The following HTT variants were observed in gnomAD, a reference collection of about 807,000 sequenced individuals.
HTT encodes huntingtin.
Under a neutral mutation model 362.3 loss-of-function variants are expected in HTT, and 104 were observed. The ratio of observed to expected loss-of-function variants is 0.29; its 90% CI spans 0.24 to 0.34. The LOEUF (loss-of-function observed/expected upper bound fraction) is 0.34, where lower values mean the gene tolerates loss of function less well. HTT is among the 10% of genes least tolerant of loss of function. The probability of loss-of-function intolerance (pLI) is 1.00; values close to 1 mark genes in which losing one functional copy is unlikely to be tolerated. For synonymous variants in HTT, 1,577 were observed against 1,548.7 expected (o/e 1.02, Z -0.43); for missense variants, 3,301 against 3,928.6 (o/e 0.84, Z 4.27).
At chr4:3,075,691 T>C (rs1397503296) in intron 1 of HTT, among the ~76,000 whole-genome samples, 1 of 151,372 alleles carries the variant, frequency 6.6e-6, no homozygotes, top group Non-Finnish European at 1.5e-5. Context: ...GGGAGATTTC[T>C]TTTCCTAGTG....
At chr4:3,224,707 G>C (rs362274) in intron 56 of HTT, among the ~76,000 whole-genome samples, 2 of 152,080 alleles carry the variant, frequency 1.3e-5, no homozygotes, top group Admixed American at 1.3e-4. Flanking sequence ...GTATTTTAGC[G>C]TAGAGCTCTG....
chr4:3,207,935 G>A (rs1377283761), intron 45 of HTT, among the ~76,000 whole-genome samples: 3 of 152,092 alleles, frequency 2.0e-5, no homozygotes, highest in Non-Finnish European at 2.9e-5. Flanking sequence ...CTTGCGGGGC[G>A]GGGTGGGGGG....
intron 6 of HTT, among the ~76,000 whole-genome samples, chr4:3,112,699 G>A (rs1391405481): frequency 6.6e-6 from 1 of 152,172 alleles, no homozygotes; most frequent in Admixed American, 6.5e-5. Flanking sequence ...TGCGAGCAGT[G>A]CTACTGTGAC....
intron 49 of HTT, chr4:3,213,101 G>A (rs1256488394): frequency 3.0e-5 from 6 of 200,674 alleles, no homozygotes; most frequent in Middle Eastern, 1.8e-3. Flanking sequence ...ACACGTTCTG[G>A]ATGCATTAAA....
At chr4:3,151,640 C>T (rs973148374) in intron 26 of HTT, among the ~76,000 whole-genome samples, 3 of 152,170 alleles carry the variant, frequency 2.0e-5, no homozygotes, top group Admixed American at 1.3e-4. Flanking sequence ...AGGTTGCATG[C>T]TCCTTATGAG....
chr4:3,150,594 A>T lies in HTT; in HGVS notation c.3498+2387A>T, dbSNP rs142152980. ...CTTTGTGTCTTATCAAGCTAGAAACAGGTCACCACAAGTCTTCATTTCCAC... is the reference window on the plus strand; with the variant it reads ...CTTTGTGTCTTATCAAGCTAGAAACTGGTCACCACAAGTCTTCATTTCCAC... On this transcript the variant is annotated intron_variant, in intron 26 of 66. Coordinates refer to ENST00000355072, the MANE Select transcript of HTT (RefSeq NM_001388492.1). Among the ~76,000 whole-genome samples the T allele has an allele frequency of 1.2e-3, 189 of 152,292 alleles. 1 individual carries two copies. The highest frequency in any genetic ancestry group is 4.5e-3 in the African/African-American group (185 of 41,552).
At chr4:3,220,587 A>G (rs1439786375) in intron 53 of HTT, among the ~76,000 whole-genome samples, 1 of 152,172 alleles carries the variant, frequency 6.6e-6, no homozygotes, top group African/African-American at 2.4e-5. Context: ...ACAACGTGAG[A>G]CCAAATTCTG....
chr4:3,153,793 G>A (rs943607904), intron 26 of HTT, among the ~76,000 whole-genome samples: 4 of 152,192 alleles, frequency 2.6e-5, no homozygotes, highest in African/African-American at 4.8e-5. Context: ...GTGATGTGGC[G>A]TGTGCCTGTG....
chr4:3,199,714 CCTTAA>C lies in HTT; in HGVS notation c.5369-14_5369-10del. On this transcript the variant is annotated splice_polypyrimidine_tract_variant and intron_variant, in intron 40 of 66. Transcript: ENST00000355072. ...CCGAGATGAAAGCAAAGACATTTCT[CCTTAA>C]CTTTGTTTCTAGGAATGTTCCGGAG... is the stretch of plus-strand genomic sequence containing the variant. 6.2e-7 allele frequency: 1 copy of C among 1,610,716 alleles called. No homozygotes were observed. Among genetic ancestry groups the C allele is most frequent in the South Asian group, 1.1e-5 (1 of 91,044 alleles).
In HTT at chr4:3,228,609, T is replaced by C. The variant is rs764765557; in HGVS notation, c.7849-6T>C. On this transcript the variant is annotated splice_polypyrimidine_tract_variant and splice_region_variant and intron_variant, in intron 57 of 66. Coordinates refer to ENST00000355072, the MANE Select transcript of HTT (RefSeq NM_001388492.1). The surrounding 1 kb of genome is among the most constrained non-coding windows in gnomAD (Gnocchi z 4.3). Reference sequence around the variant, plus strand: ...AGCACTGAGCAGTGCCCCGTTTCTGTGGCAGGTGTCCATACACTCCGTGTG... The same window carrying C: ...AGCACTGAGCAGTGCCCCGTTTCTGCGGCAGGTGTCCATACACTCCGTGTG... 4 of 1,552,110 alleles carry C rather than the reference T, an allele frequency of 2.6e-6. No individual in the cohort carries two copies. The highest frequency in any genetic ancestry group is 2.4e-5 in the South Asian group (2 of 82,098).
intron 50 of HTT, 70 bp from the exon 51 acceptor site, chr4:3,215,040 T>G (rs2110279232): frequency 7.8e-7 from 1 of 1,282,900 alleles, no homozygotes; most frequent in East Asian, 2.3e-5. Flanking sequence ...TGCACAAATG[T>G]AAAATGTTGA....
chr4:3,229,678 A>G (rs1036034433), intron 59 of HTT, among the ~76,000 whole-genome samples: 2 of 151,742 alleles, frequency 1.3e-5, no homozygotes, highest in African/African-American at 4.8e-5. Flanking sequence ...TGTACACACC[A>G]TACACACACC....
At chr4:3,078,369 A>T (rs1457716023) in intron 1 of HTT, among the ~76,000 whole-genome samples, 1 of 152,254 alleles carries the variant, frequency 6.6e-6, no homozygotes, top group Non-Finnish European at 1.5e-5. Context: ...CAAGATAGAT[A>T]AGTAAAATAT....
chr4:3,207,105 A>C, intron 44 of HTT, 122 bp downstream of exon 44: 1 of 1,112,876 alleles, frequency 9.0e-7, no homozygotes, highest in Non-Finnish European at 1.3e-6. Flanking sequence ...AGAAACATGG[A>C]AACATCTGCA....
intron 64 of HTT, 99 bp downstream of exon 64, chr4:3,236,353 C>T: frequency 1.2e-6 from 1 of 840,938 alleles, no homozygotes; most frequent in Non-Finnish European, 2.0e-6. Flanking sequence ...GGCGCTGTTG[C>T]TGGAGTCCTG....
intron 1 of HTT, among the ~76,000 whole-genome samples, chr4:3,078,059 C>T (rs1712658572): frequency 6.6e-6 from 1 of 152,168 alleles, no homozygotes; most frequent in South Asian, 2.1e-4. Flanking sequence ...AGTGTTTGTG[C>T]TCTGCTCAGC....
chr4:3,160,740 G>A lies in HTT; in HGVS notation c.3864+348G>A, dbSNP rs73073038. On this transcript the variant is annotated intron_variant, in intron 29 of 66. Coordinates refer to ENST00000355072, the MANE Select transcript of HTT (RefSeq NM_001388492.1). ...AAACAGACGGGTAAGGGGGCGGGGC[G>A]GGAGGTGTGACTTGCTCTTTTGTGC... Among the ~76,000 whole-genome samples, 973 of 152,164 alleles carry A rather than the reference G, an allele frequency of 6.4e-3. 10 individuals are homozygous for A. Among genetic ancestry groups the A allele is most frequent in the African/African-American group, 0.022 (933 of 41,508 alleles).
At chr4:3,166,459 G>C (rs1479770725) in intron 29 of HTT, among the ~76,000 whole-genome samples, 1 of 152,238 alleles carries the variant, frequency 6.6e-6, no homozygotes, top group Non-Finnish European at 1.5e-5. Context: ...AGAGCTGTCA[G>C]GCACGTATGT....
chr4:3,215,013 T>G, intron 50 of HTT, 97 bp from the exon 51 acceptor site: 2 of 987,262 alleles, frequency 2.0e-6, no homozygotes, highest in Non-Finnish European at 3.1e-6. Flanking sequence ...GTCTATCCCT[T>G]TCAACTTTTG....
Sources: allele counts gnomAD v4.1 joint callset (sites outside exome capture counted in the v4.1 genomes callset), GRCh38; gene constraint gnomAD v4.1.1; non-coding constraint Gnocchi (gnomAD v3.1); transcripts MANE v1.5; gene names NCBI Gene and HGNC (gene_info 2026-07-23, HGNC 2026-07-21).